The following GRIN2D variants were observed in gnomAD, a reference collection of about 807,000 sequenced individuals.
GRIN2D encodes the protein glutamate receptor ionotropic, NMDA 2D.
Under a neutral mutation model 103.2 loss-of-function variants are expected in GRIN2D, and 37 were observed. The ratio of observed to expected loss-of-function variants is 0.36; its 90% CI spans 0.28 to 0.47. The LOEUF (loss-of-function observed/expected upper bound fraction) is 0.47. Among genes scored for constraint, GRIN2D ranks in the 20% least tolerant of loss-of-function variants. The pLI is 1.00. For missense variants in GRIN2D, 1,557 were observed against 1,910.6 expected, an observed-to-expected ratio of 0.81 and a Z score of 3.45; for synonymous variants, 845 against 885.6, an observed-to-expected ratio of 0.95 and a Z score of 0.81.
intron 11 of GRIN2D, among the ~76,000 whole-genome samples, chr19:48,437,186 T>A (rs1971242711): frequency 6.6e-6 from 1 of 152,092 alleles, no homozygotes; most frequent in South Asian, 2.1e-4. Flanking sequence ...CATGGCACAA[T>A]CATAGCTCAC....
chr19:48,416,061 C>G lies in GRIN2D; in HGVS notation c.1641C>G (p.Ser547=), dbSNP rs148340456. 59 of 1,613,992 alleles carry G rather than the reference C, an allele frequency of 3.7e-5. No individual in the cohort carries two copies. In the South Asian group the frequency reaches 6.5e-4, roughly 18 times the overall value. The change falls in exon 8 of 14, where the codon TCC becomes TCG. Residue 547 remains serine (S), a synonymous_variant. Transcript: ENST00000263269. ...IGSLTINEER[S]EIVDFSVPFV... The stretch of plus-strand genomic sequence containing the variant: ...CCCTCACCATCAACGAGGAGCGCTC[C>G]GAGATCGTGGACTTCTCCGTCCCCT...
At chr19:48,396,702 C>T (rs1490355590) in intron 2 of GRIN2D, among the ~76,000 whole-genome samples, 1 of 151,926 alleles carries the variant, frequency 6.6e-6, no homozygotes, top group Non-Finnish European at 1.5e-5. Context: ...CCCGAGATCT[C>T]TGGGAAGGTG....
chr19:48,419,870 G>C (rs926902864), intron 10 of GRIN2D, 56 bp downstream of exon 10: 51 of 902,506 alleles, frequency 5.7e-5, no homozygotes, highest in Non-Finnish European at 7.7e-5. Context: ...AGGTCACAGA[G>C]CTTGTCATGT....
intron 8 of GRIN2D, among the ~76,000 whole-genome samples, chr19:48,417,582 G>C (rs774570469): frequency 2.0e-5 from 3 of 152,112 alleles, no homozygotes; most frequent in African/African-American, 7.2e-5. Flanking sequence ...TGTTTATTTC[G>C]CCCAGTGGTG....
chr19:48,412,441 G>GA (rs1291009396), intron 4 of GRIN2D, among the ~76,000 whole-genome samples: 1 of 146,406 alleles, frequency 6.8e-6, no homozygotes, highest in Non-Finnish European at 1.5e-5. Flanking sequence ...AAGAAAGAAA[G>GA]AAAGAAAGAA....
chr19:48,415,608 G>C (rs562098526), intron 7 of GRIN2D, among the ~76,000 whole-genome samples: 1 of 135,754 alleles, frequency 7.4e-6, no homozygotes, highest in South Asian at 2.4e-4. Flanking sequence ...GGGACTTTGG[G>C]GCAGTGGAGG....
rs1970916706 is a variant in GRIN2D, at chr19:48,414,438, C to T, written c.1266C>T (p.Phe422=). The change falls in exon 6 of 14, where the codon TTC becomes TTT. Residue 422 remains phenylalanine (F), a synonymous_variant. Coordinates refer to ENST00000263269, the MANE Select transcript of GRIN2D (RefSeq NM_000836.4). The surrounding 1 kb of genome is among the most constrained non-coding windows in gnomAD (Gnocchi z 4.6). ...CGCTGTGGTCCCGCTATGGTCGCTTCCTGCAGCCAGTGGACGACACGCAGC... is the reference window on the plus strand; with the variant it reads ...CGCTGTGGTCCCGCTATGGTCGCTTTCTGCAGCCAGTGGACGACACGCAGC... The part of the protein sequence containing the change: ...KYPLWSRYGR[F]LQPVDDTQHL... The T allele has an allele frequency of 6.2e-7, 1 of 1,609,632 alleles. No homozygotes were observed. The highest frequency in any genetic ancestry group is 1.1e-5 in the South Asian group (1 of 90,056).
intron 11 of GRIN2D, among the ~76,000 whole-genome samples, chr19:48,426,224 C>CTTTTTTTTTTTTTTTTTTTTT (rs369360320): frequency 5.9e-4 from 71 of 120,084 alleles, no homozygotes; most frequent in Non-Finnish European, 8.1e-4. Context: ...TTCTTTCTTT[C>CTTTTTTTTTTTTTTTTTTTTT]TTTTTTTTTT....
In GRIN2D at chr19:48,441,826, C is replaced by A; in HGVS notation, c.2310C>A (p.Asp770Glu). Residue 770 changes from aspartate (D) to glutamate (E), a missense_variant, in exon 12 of 14, where the codon GAC (aspartate) becomes GAA (glutamate). Asp to Glu is a conservative substitution (Grantham distance 45). Transcript: ENST00000263269. ...TGCTCAATTACATGGCCCGCAAGGA[C>A]GAGGGCTGCAAGCTTGTCACCATCG... ...AAVLNYMARK[D>E]EGCKLVTIGS... is the part of the protein sequence containing the mutation. 1 of 1,613,990 alleles carries A rather than the reference C, an allele frequency of 6.2e-7. No homozygotes were observed. The highest frequency in any genetic ancestry group is 8.5e-7 in the Non-Finnish European group (1 of 1,179,994).
In GRIN2D at chr19:48,441,818, C is replaced by T. The variant is rs1181228797; in HGVS notation, c.2302C>T (p.Arg768Cys). Residue 768 changes from arginine to cysteine, a missense_variant, in exon 12 of 14, where the codon CGC (arginine) becomes TGC (cysteine). Coordinates refer to ENST00000263269, the MANE Select transcript of GRIN2D (RefSeq NM_000836.4). ...YDAAVLNYMA[R>C]KDEGCKLVTI... Reference sequence around the variant, plus strand: ...TGCTGCAGTGCTCAATTACATGGCCCGCAAGGACGAGGGCTGCAAGCTTGT... The same window carrying T: ...TGCTGCAGTGCTCAATTACATGGCCTGCAAGGACGAGGGCTGCAAGCTTGT... 6.2e-7 allele frequency: 1 copy of T among 1,614,004 alleles called. No homozygotes were observed. The highest frequency in any genetic ancestry group is 8.5e-7 in the Non-Finnish European group (1 of 1,180,026).
chr19:48,442,152 G>A lies in GRIN2D; in HGVS notation c.2443G>A (p.Glu815Lys), dbSNP rs1432252883. Residue 815 changes from glutamate to lysine, a missense_variant and splice_region_variant, in exon 13 of 14, where the codon GAG (glutamate) becomes AAG (lysine). Physicochemically the swap from Glu to Lys is moderately conservative, Grantham distance 56. This residue lies in a region of GRIN2D where 138 missense variants were observed against 270.2 expected (regional missense o/e 0.51). Transcript: ENST00000263269. This position sits in a 1 kb window ranked among gnomAD's most constrained non-coding sequence, Gnocchi z 7.2. Reference sequence around the variant, plus strand: ...GACTTTTGACCGCCCCTCCCTAGATGAGATCGAGATGCTGGAGCGGCTGTG... The same window carrying A: ...GACTTTTGACCGCCCCTCCCTAGATAAGATCGAGATGCTGGAGCGGCTGTG... ...LALLQFLGDD[E>K]IEMLERLWLS... 2.5e-6 allele frequency: 4 copies of A among 1,614,002 alleles called. No individual in the cohort carries two copies. Among genetic ancestry groups the A allele is most frequent in the South Asian group, 1.1e-5 (1 of 91,082 alleles).
At chr19:48,401,229 T>C (rs1420772477) in intron 3 of GRIN2D, among the ~76,000 whole-genome samples, 1 of 151,850 alleles carries the variant, frequency 6.6e-6, no homozygotes, top group African/African-American at 2.4e-5. Flanking sequence ...CCAGGGCTGT[T>C]TTAATTCCTA....
chr19:48,425,616 C>T (rs1244442108), intron 11 of GRIN2D, among the ~76,000 whole-genome samples: 1 of 152,134 alleles, frequency 6.6e-6, no homozygotes, highest in Non-Finnish European at 1.5e-5. Flanking sequence ...GCAAGACAGA[C>T]CAGCCCCATC....
At chr19:48,441,987 G>A (rs1971299778) in intron 12 of GRIN2D, 31 bp downstream of exon 12, 1 of 1,581,958 alleles carries the variant, frequency 6.3e-7, no homozygotes, top group Admixed American at 1.7e-5. Flanking sequence ...TTCCACAGCG[G>A]AGAGGGGGAG....
At position 48,412,840 on chromosome 19, in the gene GRIN2D, AAAAG is replaced by A. The variant is rs1208566361; in HGVS notation, c.1086-1145_1086-1142del. The stretch of plus-strand genomic sequence containing the variant: ...AAAACCACACATTAAAAAAAAAAAA[AAAAG>A]AAAGAGGAGGGCATGGTGGCTCATG... On this transcript the variant is annotated intron_variant, in intron 4 of 13. Coordinates refer to ENST00000263269, the MANE Select transcript of GRIN2D (RefSeq NM_000836.4). Among the ~76,000 whole-genome samples the A allele has an allele frequency of 8.0e-5, 12 of 149,182 alleles. No homozygotes were observed. In the East Asian group the frequency reaches 2.0e-3, roughly 25 times the overall value.
chr19:48,429,113 C>A (rs537047805), intron 11 of GRIN2D, among the ~76,000 whole-genome samples: 27 of 152,190 alleles, frequency 1.8e-4, no homozygotes, highest in Admixed American at 6.5e-4. Flanking sequence ...CTGCTGAATT[C>A]TTTTTCTCCA....
At chr19:48,400,283 G>A (rs1045049783) in intron 3 of GRIN2D, among the ~76,000 whole-genome samples, 1 of 152,210 alleles carries the variant, frequency 6.6e-6, no homozygotes, top group South Asian at 2.1e-4. Context: ...TGGGGCCAGC[G>A]CAACCCAGAG....
chr19:48,444,106 G>T lies in GRIN2D; in HGVS notation c.*169G>T, dbSNP rs1251635963. The T allele has an allele frequency of 2.2e-6, 1 of 450,210 alleles. No individual in the cohort carries two copies. The highest frequency in any genetic ancestry group is 3.9e-6 in the Non-Finnish European group (1 of 259,672). 27.9% of individuals were successfully genotyped at this position (450,210 alleles called of 1,614,324 possible). A position where few individuals can be genotyped will look rare whatever the true frequency, so the allele number is the denominator to read the frequency against. Reference sequence around the variant, plus strand: ...CTGGTTCTGGAGGAACCGCAAGCCGGAGAGGATTTGGTCCCTCAACTATCA... The same window carrying T: ...CTGGTTCTGGAGGAACCGCAAGCCGTAGAGGATTTGGTCCCTCAACTATCA... On this transcript the variant is annotated 3_prime_UTR_variant, in exon 14 of 14. Coordinates refer to ENST00000263269, the MANE Select transcript of GRIN2D (RefSeq NM_000836.4). This position sits in a 1 kb window ranked among gnomAD's most constrained non-coding sequence, Gnocchi z 5.5.
intron 2 of GRIN2D, among the ~76,000 whole-genome samples, 193 bp from the exon 3 acceptor site, chr19:48,398,170 CCCTT>C (rs1970665522): frequency 6.6e-6 from 1 of 151,800 alleles, no homozygotes; most frequent in Non-Finnish European, 1.5e-5. Flanking sequence ...CTGTCTCTCT[CCCTT>C]CCATCTCTCT....
Sources: allele counts gnomAD v4.1 joint callset (sites outside exome capture counted in the v4.1 genomes callset), GRCh38; gene constraint gnomAD v4.1.1; regional missense constraint gnomAD v4.1.1; non-coding constraint Gnocchi (gnomAD v3.1); transcripts MANE v1.5; gene names NCBI Gene and HGNC (gene_info 2026-07-23, HGNC 2026-07-21).